NCR1: variants seen among roughly 807,000 people sequenced by gnomAD.
NCR1 encodes NK cell-activating receptor.
Under a neutral mutation model 32.5 loss-of-function variants are expected in NCR1, and 30 were observed. The observed-to-expected ratio is 0.92, with a 90% CI of 0.69 to 1.25. NCR1 has a LOEUF of 1.25. Among genes scored for constraint, NCR1 ranks in the 50% most tolerant of loss-of-function variants. The pLI is 0.00. For synonymous variants in NCR1, 169 were observed against 143.4 expected (o/e 1.18, Z -1.28); for missense variants, 369 against 380.7 (o/e 0.97, Z 0.26).
At chr19:54,926,693 A>G in the NCR1 span, among the ~76,000 whole-genome samples, 1 of 152,042 alleles carries the variant, frequency 6.6e-6, no homozygotes, top group Non-Finnish European at 1.5e-5. Context: ...AGGCGAGAAG[A>G]TCACCTGAGG....
chr19:54,925,663 A>C, the NCR1 span, among the ~76,000 whole-genome samples: 5 of 152,272 alleles, frequency 3.3e-5, no homozygotes, highest in East Asian at 1.9e-4. Context: ...TCAGAAAAGA[A>C]AAGACAAAGG....
rs3826879 is a variant in NCR1 at position 54,912,367 on chromosome 19, C to A, written c.733+149C>A. The stretch of plus-strand genomic sequence containing the variant: ...ATCTCAGCCCTTTGGGAGGCCGAGG[C>A]GGGCAGATCATCTGAGGTCGGGAGT... On this transcript the variant is annotated intron_variant, in intron 6 of 6. Coordinates refer to ENST00000291890, the MANE Select transcript of NCR1 (RefSeq NM_004829.7). 4.8e-4 allele frequency: 375 copies of A among 776,572 alleles called. 2 individuals carry two copies. The African/African-American group carries it at 5.8e-3, about 12-fold the overall frequency. The allele number at this position is 776,572 out of a possible 1,614,324, so 48.1% of individuals were successfully genotyped here. A position where few individuals can be genotyped will look rare whatever the true frequency, so the allele number is the denominator to read the frequency against.
the NCR1 span, chr19:54,933,774 GA>G: frequency 6.3e-7 from 1 of 1,587,366 alleles, no homozygotes; most frequent in Non-Finnish European, 8.7e-7. Context: ...AGAAGGATGA[GA>G]ACATTTCCAC....
At chr19:54,929,220 T>C in the NCR1 span, among the ~76,000 whole-genome samples, 2 of 151,836 alleles carry the variant, frequency 1.3e-5, no homozygotes, top group Admixed American at 1.3e-4. Context: ...AATACAAAAA[T>C]TAGCTGGGTA....
upstream of NCR1, among the ~76,000 whole-genome samples, chr19:54,903,626 G>A (rs587681161): frequency 1.4e-4 from 20 of 139,926 alleles, no homozygotes; most frequent in African/African-American, 4.2e-4. Flanking sequence ...ATACATGTAC[G>A]GTACTATGCA....
At chr19:54,907,440 C>T (rs1408893742) in intron 3 of NCR1, among the ~76,000 whole-genome samples, 2 of 147,006 alleles carry the variant, frequency 1.4e-5, no homozygotes, top group Non-Finnish European at 3.0e-5. Flanking sequence ...TGTGAGCCAT[C>T]ACACCCAGCC....
downstream of NCR1, among the ~76,000 whole-genome samples, chr19:54,914,551 C>T (rs2068094144): frequency 6.6e-6 from 1 of 151,894 alleles, no homozygotes; most frequent in African/African-American, 2.4e-5. Context: ...GTTGGCCAGA[C>T]TGGTCTTGAA....
At chr19:54,934,957 G>A in the NCR1 span, among the ~76,000 whole-genome samples, 39,755 of 151,944 alleles carry the variant, frequency 0.26, 5,498 homozygotes, top group Admixed American at 0.35. This position sits in a 1 kb window ranked among gnomAD's most constrained non-coding sequence, Gnocchi z 6.7. Flanking sequence ...TTGGCCTACC[G>A]AAGTACTGGG....
At chr19:54,933,762 G>C in the NCR1 span, 1 of 1,604,354 alleles carries the variant, frequency 6.2e-7, no homozygotes, top group Non-Finnish European at 8.5e-7. Context: ...GAAACAAATG[G>C]TAGAAGGATG....
chr19:54,912,051 C>T, intron 5 of NCR1, 117 bp from the exon 6 acceptor site: 1 of 869,078 alleles, frequency 1.2e-6, no homozygotes, highest in Admixed American at 1.9e-5. Context: ...CTGGGACCCG[C>T]AGGGTGAGGT....
chr19:54,936,695 G>A, the NCR1 span, among the ~76,000 whole-genome samples: 22 of 151,814 alleles, frequency 1.4e-4, no homozygotes, highest in Non-Finnish European at 3.1e-4. Context: ...CAGGCAGATC[G>A]CCTGAGGTCA....
intron 5 of NCR1, 48 bp from the exon 6 acceptor site, chr19:54,912,120 T>C (rs73619967): frequency 0.2 from 300,573 of 1,511,042 alleles, 39,694 homozygotes; most frequent in East Asian, 0.53. Context: ...AGTGCTGGGG[T>C]GGAGGAGGTC....
chr19:54,930,438 G>A, the NCR1 span: 2 of 1,210,974 alleles, frequency 1.7e-6, no homozygotes, highest in Admixed American at 1.7e-5. Context: ...CTCCAGGCTG[G>A]GGGACAGAGC....
intron 5 of NCR1, among the ~76,000 whole-genome samples, chr19:54,911,900 A>G (rs587692479): frequency 6.6e-6 from 1 of 151,814 alleles, no homozygotes; most frequent in South Asian, 2.1e-4. Context: ...AGGCTGGAAC[A>G]CAGTGAGACT....
upstream of NCR1, among the ~76,000 whole-genome samples, chr19:54,903,564 A>G (rs796526405): frequency 3.0e-5 from 4 of 133,876 alleles, no homozygotes; most frequent in East Asian, 2.4e-4. Flanking sequence ...ATATATACAT[A>G]TATGTGTATA....
chr19:54,898,534 C>T, the NCR1 span, among the ~76,000 whole-genome samples: 45 of 152,204 alleles, frequency 3.0e-4, no homozygotes, highest in African/African-American at 8.4e-4. Context: ...ACCTTGAAGG[C>T]GAGGTTAATT....
chr19:54,930,838 C>G, the NCR1 span, among the ~76,000 whole-genome samples: 1 of 152,046 alleles, frequency 6.6e-6, no homozygotes, highest in Non-Finnish European at 1.5e-5. Context: ...GCCTCAGCCT[C>G]CCAAGTAGCT....
chr19:54,916,350 C>T, downstream of NCR1, among the ~76,000 whole-genome samples: 1 of 97,386 alleles, frequency 1.0e-5, no homozygotes, highest in East Asian at 2.6e-4. Context: ...AGACGAAGTC[C>T]TGCTCTGTCA....
the NCR1 span, chr19:54,936,259 A>C: frequency 6.2e-7 from 1 of 1,612,524 alleles, no homozygotes; most frequent in Non-Finnish European, 8.5e-7. Flanking sequence ...CGTGAGACCC[A>C]CCTCAGGTAC....
Sources: allele counts gnomAD v4.1 joint callset (sites outside exome capture counted in the v4.1 genomes callset), GRCh38; gene constraint gnomAD v4.1.1; non-coding constraint Gnocchi (gnomAD v3.1); transcripts MANE v1.5; gene names NCBI Gene and HGNC (gene_info 2026-07-23, HGNC 2026-07-21).